Variants in NXPE4 observed in about 807,000 individuals in gnomAD.
NXPE4 encodes the protein NXPE family member 4.
Under a neutral mutation model 33.3 loss-of-function variants are expected in NXPE4, and 42 were observed. The observed-to-expected ratio is 1.26, with a 90% CI of 0.98 to 1.63. The LOEUF (loss-of-function observed/expected upper bound fraction) is 1.63, where lower values mean the gene tolerates loss of function less well. NXPE4 is among the 40% of genes most tolerant of loss of function. NXPE4 has a pLI of 0.00. For synonymous variants in NXPE4, 253 were observed against 234.9 expected, an observed-to-expected ratio of 1.08 and a Z score of -0.71; for missense variants, 709 against 647.6, an observed-to-expected ratio of 1.09 and a Z score of -1.03.
chr11:114,629,112 A>G, the NXPE4 span, among the ~76,000 whole-genome samples: 76 of 152,068 alleles, frequency 5.0e-4, 2 homozygotes, highest in African/African-American at 1.4e-3. Context: ...AACTGGTACC[A>G]TTCCTTCTGA....
upstream of NXPE4, among the ~76,000 whole-genome samples, chr11:114,597,319 T>C (rs555812326): frequency 4.3e-4 from 65 of 152,292 alleles, 1 homozygote; most frequent in Non-Finnish European, 7.4e-4. Flanking sequence ...TTCAAATATA[T>C]GAACAGTGAT....
the NXPE4 span, among the ~76,000 whole-genome samples, chr11:114,672,303 ATTGC>A: frequency 6.6e-6 from 1 of 152,010 alleles, no homozygotes; most frequent in Non-Finnish European, 1.5e-5. Flanking sequence ...GTGCAAGTTA[ATTGC>A]TAGAACAATC....
chr11:114,651,099 ATAT>A, the NXPE4 span, among the ~76,000 whole-genome samples: 1 of 103,502 alleles, frequency 9.7e-6, no homozygotes, highest in Non-Finnish European at 2.4e-5. Context: ...AATATTACAT[ATAT>A]TATATATAAT....
the NXPE4 span, among the ~76,000 whole-genome samples, chr11:114,645,702 A>G: frequency 6.6e-6 from 1 of 152,140 alleles, no homozygotes; most frequent in Non-Finnish European, 1.5e-5. Context: ...AAAAATGAAG[A>G]AAAGACATGA....
chr11:114,585,073 G>A (rs1281227751), intron 2 of NXPE4, among the ~76,000 whole-genome samples: 1 of 151,992 alleles, frequency 6.6e-6, no homozygotes, highest in Admixed American at 6.5e-5. Context: ...AGGTTGCCCT[G>A]TTCTTTTCAG....
chr11:114,638,999 G>C, the NXPE4 span, among the ~76,000 whole-genome samples: 1 of 152,046 alleles, frequency 6.6e-6, no homozygotes, highest in African/African-American at 2.4e-5. Context: ...CTTCAAAGCT[G>C]TCAGACTGGG....
At chr11:114,672,966 A>G in the NXPE4 span, among the ~76,000 whole-genome samples, 1 of 151,210 alleles carries the variant, frequency 6.6e-6, no homozygotes, top group East Asian at 1.9e-4. Context: ...ACAGATGTCT[A>G]TAGAACATTC....
chr11:114,579,374 A>G (rs999041309), intron 5 of NXPE4, among the ~76,000 whole-genome samples: 4 of 152,214 alleles, frequency 2.6e-5, no homozygotes, highest in African/African-American at 9.6e-5. Context: ...GGAGGGGACA[A>G]TCAGTCAAAC....
rs1365163750 is a variant in NXPE4, at chr11:114,577,073, A to C, written c.1099+3059T>G. 2.8e-4 allele frequency among the ~76,000 whole-genome samples: 35 copies of C among 124,674 alleles called. 1 individual carries two copies. Among genetic ancestry groups the C allele is most frequent in the South Asian group, 1.8e-3 (7 of 3,944 alleles). The allele number at this position is 124,674 out of a possible 152,430, so 81.8% of individuals were successfully genotyped here. On this transcript the variant is annotated intron_variant, in intron 5 of 5. Coordinates refer to ENST00000375478, the MANE Select transcript of NXPE4 (RefSeq NM_001077639.2). ...TATATATATACATATATATATATAA[A>C]GTTATATATATACATATATATATAA...
chr11:114,591,943 C>T (rs1949466383), intron 2 of NXPE4, among the ~76,000 whole-genome samples: 1 of 152,124 alleles, frequency 6.6e-6, no homozygotes, highest in Non-Finnish European at 1.5e-5. Flanking sequence ...ATATAATCAT[C>T]TCAATAGAAA....
intron 2 of NXPE4, among the ~76,000 whole-genome samples, chr11:114,589,196 C>T (rs1197622325): frequency 6.6e-6 from 1 of 152,110 alleles, no homozygotes; most frequent in Non-Finnish European, 1.5e-5. Flanking sequence ...GATCAGACTG[C>T]CCCCAGAGAT....
chr11:114,631,514 G>A, the NXPE4 span, among the ~76,000 whole-genome samples: 1 of 124,296 alleles, frequency 8.0e-6, no homozygotes, highest in East Asian at 2.8e-4. Flanking sequence ...AACACTCTGG[G>A]GACTGTTGTG....
chr11:114,651,913 C>G, the NXPE4 span, among the ~76,000 whole-genome samples: 1 of 152,142 alleles, frequency 6.6e-6, no homozygotes, highest in Non-Finnish European at 1.5e-5. Context: ...AAACAGAAAC[C>G]ATAAACAAAA....
the NXPE4 span, among the ~76,000 whole-genome samples, chr11:114,661,007 T>C: frequency 1.3e-5 from 2 of 152,148 alleles, no homozygotes; most frequent in African/African-American, 2.4e-5. Context: ...CACAGCATGA[T>C]TAAGAATGGC....
chr11:114,611,392 C>T, the NXPE4 span, among the ~76,000 whole-genome samples: 1 of 151,816 alleles, frequency 6.6e-6, no homozygotes, highest in African/African-American at 2.4e-5. Flanking sequence ...CGTGGGTAAC[C>T]ACTGTTTCCC....
At position 114,580,358 on chromosome 11, in the gene NXPE4, A is replaced by C. The variant is rs1949110436; in HGVS notation, c.893-20T>G. On this transcript the variant is annotated intron_variant, in intron 4 of 5. Transcript: ENST00000375478. Reference sequence around the variant, plus strand: ...TTTCTTCTGCCAAAGAATCAATGAGATAGGATCTTCCAAAACATCAAATTA... The same window carrying C: ...TTTCTTCTGCCAAAGAATCAATGAGCTAGGATCTTCCAAAACATCAAATTA... The C allele has an allele frequency of 6.2e-7, 1 of 1,606,814 alleles. No homozygotes were observed. Among genetic ancestry groups the C allele is most frequent in the Non-Finnish European group, 8.5e-7 (1 of 1,174,068 alleles).
the NXPE4 span, among the ~76,000 whole-genome samples, chr11:114,632,728 A>G: frequency 2.2e-4 from 15 of 67,340 alleles, no homozygotes; most frequent in East Asian, 5.7e-3. Context: ...TATATAATAT[A>G]TAATATATAT....
At chr11:114,621,537 A>G in the NXPE4 span, among the ~76,000 whole-genome samples, 4 of 151,880 alleles carry the variant, frequency 2.6e-5, no homozygotes, top group South Asian at 4.2e-4. Flanking sequence ...ACTGTTAAAC[A>G]GTGGATAATA....
chr11:114,641,600 G>A, the NXPE4 span, among the ~76,000 whole-genome samples: 2,381 of 152,064 alleles, frequency 0.016, 71 homozygotes, highest in African/African-American at 0.052. Context: ...GTCAAGAATA[G>A]GAAGAGAATA....
Sources: gnomAD v4.1 joint callset for allele counts (sites outside exome capture counted in the v4.1 genomes callset) on GRCh38, gnomAD v4.1.1 for gene constraint, MANE v1.5 for transcripts, NCBI Gene and HGNC (gene_info 2026-07-23, HGNC 2026-07-21) for gene names.